SNAPC3: variants seen among roughly 807,000 people sequenced by gnomAD.
SNAPC3 encodes the protein small nuclear RNA activating complex polypeptide 3.
A neutral mutation model predicts 47.7 loss-of-function variants in SNAPC3; 56 were observed. That is an observed-to-expected ratio of 1.18 (90% CI 0.95 to 1.47). The LOEUF is 1.47. Ranked by LOEUF, SNAPC3 falls within the 40% of genes most tolerant of loss-of-function variation. The pLI is 0.00. For synonymous variants in SNAPC3, 235 were observed against 189.9 expected, an observed-to-expected ratio of 1.24 and a Z score of -1.95; for missense variants, 665 against 511.3, an observed-to-expected ratio of 1.30 and a Z score of -2.90.
At chr9:15,466,158 A>T (rs576097488), downstream of SNAPC3, among the ~76,000 whole-genome samples, 1 of 152,306 alleles carries the variant, frequency 6.6e-6, no homozygotes, top group South Asian at 2.1e-4. Context: ...TGGGTGGATC[A>T]CCTGAGGTCA....
intron 2 of SNAPC3, among the ~76,000 whole-genome samples, chr9:15,426,226 G>A (rs578063409): frequency 5.3e-5 from 8 of 152,096 alleles, no homozygotes; most frequent in African/African-American, 7.2e-5. Flanking sequence ...TCAGTTCCTC[G>A]AATATGCTCT....
intron 5 of SNAPC3, among the ~76,000 whole-genome samples, chr9:15,448,838 G>T (rs1468711774): frequency 6.6e-6 from 1 of 151,190 alleles, no homozygotes; most frequent in Non-Finnish European, 1.5e-5. Context: ...TTTTTTGGAT[G>T]GGGCTCTGTT....
chr9:15,425,182 C>T (rs987895040), intron 2 of SNAPC3, among the ~76,000 whole-genome samples: 6 of 152,144 alleles, frequency 3.9e-5, no homozygotes, highest in African/African-American at 1.2e-4. Context: ...CATGTGGCCT[C>T]TCTCCCATCT....
At chr9:15,436,685 A>G (rs762017669) in intron 3 of SNAPC3, among the ~76,000 whole-genome samples, 25 of 152,150 alleles carry the variant, frequency 1.6e-4, no homozygotes, top group Non-Finnish European at 1.9e-4. Context: ...AAAAAATGCC[A>G]TTGGGATTTT....
chr9:15,453,961 G>A lies in SNAPC3; in HGVS notation c.980+756G>A, dbSNP rs374756472. 3.9e-5 allele frequency among the ~76,000 whole-genome samples: 6 copies of A among 152,236 alleles called. No homozygotes were observed. In the East Asian group the frequency reaches 9.7e-4, roughly 25 times the overall value. ...CCACTAATAGAAACTGATGCCTGCC[G>A]GGTGCAGTGGCTCACGCCTATAATC... On this transcript the variant is annotated intron_variant, in intron 7 of 8. Coordinates refer to ENST00000380821, the MANE Select transcript of SNAPC3 (RefSeq NM_001039697.2).
intron 3 of SNAPC3, among the ~76,000 whole-genome samples, chr9:15,444,267 A>C (rs1029900782): frequency 6.6e-6 from 1 of 152,212 alleles, no homozygotes; most frequent in African/African-American, 2.4e-5. Flanking sequence ...TTTGATAAGG[A>C]ATGTAAAAAT....
At chr9:15,424,030 T>C in intron 2 of SNAPC3, 44 bp downstream of exon 2, 1 of 1,155,732 alleles carries the variant, frequency 8.7e-7, no homozygotes, top group South Asian at 1.5e-5. Flanking sequence ...TTAAACATTT[T>C]TTCAACATTA....
intron 3 of SNAPC3, among the ~76,000 whole-genome samples, chr9:15,434,014 C>T (rs1395057114): frequency 6.6e-6 from 1 of 152,152 alleles, no homozygotes; most frequent in South Asian, 2.1e-4. Context: ...AAGATGATGA[C>T]TCTTGAGGAA....
At chr9:15,449,061 C>T (rs1301946481) in intron 5 of SNAPC3, among the ~76,000 whole-genome samples, 3 of 152,128 alleles carry the variant, frequency 2.0e-5, no homozygotes. Context: ...CCACCCGCCT[C>T]AGCCTCCTAA....
intron 3 of SNAPC3, among the ~76,000 whole-genome samples, chr9:15,440,847 G>A (rs926183371): frequency 6.6e-6 from 1 of 151,846 alleles, no homozygotes; most frequent in African/African-American, 2.4e-5. Flanking sequence ...TACTTGGGAG[G>A]CTGAGGCAGG....
At chr9:15,435,014 G>A (rs568356923) in intron 3 of SNAPC3, among the ~76,000 whole-genome samples, 6 of 152,164 alleles carry the variant, frequency 3.9e-5, no homozygotes, top group Non-Finnish European at 5.9e-5. Context: ...CAATGATACC[G>A]TATTACATTC....
intron 3 of SNAPC3, among the ~76,000 whole-genome samples, chr9:15,443,674 G>A (rs968550254): frequency 6.6e-6 from 1 of 152,026 alleles, no homozygotes; most frequent in Non-Finnish European, 1.5e-5. Context: ...ACCAATGCAC[G>A]TACCTGGACC....
rs957309806 is a variant in SNAPC3, at chr9:15,460,220, G to C, written c.*354G>C. On this transcript the variant is annotated 3_prime_UTR_variant, in exon 9 of 9. Transcript: ENST00000380821. ...TCTCTGTCCAGAGTTTTTTGCTAAAGATAGAATTATTAATGATACATCAAG... is the reference window on the plus strand; with the variant it reads ...TCTCTGTCCAGAGTTTTTTGCTAAACATAGAATTATTAATGATACATCAAG... The C allele has an allele frequency of 6.3e-6, 1 of 159,224 alleles. No homozygotes were observed. Among genetic ancestry groups the C allele is most frequent in the Non-Finnish European group, 1.4e-5 (1 of 73,012 alleles). 9.9% of individuals were successfully genotyped at this position (159,224 alleles called of 1,614,324 possible).
Position 15,460,064 on chromosome 9 carries a change from A to G in SNAPC3, c.*198A>G, listed in dbSNP as rs2035089555. 4.9e-6 allele frequency: 2 copies of G among 412,210 alleles called. No homozygotes were observed. The highest frequency in any genetic ancestry group is 8.5e-6 in the Non-Finnish European group (2 of 236,172). The allele number at this position is 412,210 out of a possible 1,614,324, so 25.5% of individuals were successfully genotyped here. A position where few individuals can be genotyped will look rare whatever the true frequency, so the allele number is the denominator to read the frequency against. The stretch of plus-strand genomic sequence containing the variant: ...TATAACATAGTTTAATTTTATATTT[A>G]TTCCAGATAGTATTTAATTTAGTGC... On this transcript the variant is annotated 3_prime_UTR_variant, in exon 9 of 9. Coordinates refer to ENST00000380821, the MANE Select transcript of SNAPC3 (RefSeq NM_001039697.2).
At position 15,432,625 on chromosome 9, in the gene SNAPC3, A is replaced by T. The variant is rs536043492; in HGVS notation, c.393-927A>T. ...CCAATTTGAACAACAAAATAGTGAT[A>T]GTATTAGATTTTAACCCCAGAATAA... On this transcript the variant is annotated intron_variant, in intron 2 of 8. Transcript: ENST00000380821. Among the ~76,000 whole-genome samples, 7 of 152,216 alleles carry T rather than the reference A, an allele frequency of 4.6e-5. No homozygotes were observed. The South Asian group carries it at 1.4e-3, about 31-fold the overall frequency.
chr9:15,459,596 T>C (rs2035046962), intron 8 of SNAPC3, 123 bp from the exon 9 acceptor site: 4 of 711,860 alleles, frequency 5.6e-6, no homozygotes, highest in East Asian at 2.6e-5. Context: ...GGGATTATTA[T>C]GCATTAATAA....
intron 6 of SNAPC3, among the ~76,000 whole-genome samples, chr9:15,451,699 G>C (rs1459321882): frequency 2.0e-5 from 3 of 151,804 alleles, no homozygotes; most frequent in Non-Finnish European, 4.4e-5. Flanking sequence ...GCAAGACTCT[G>C]TCTCTAAAAA....
At chr9:15,425,947 C>T (rs556129894) in intron 2 of SNAPC3, among the ~76,000 whole-genome samples, 18 of 152,284 alleles carry the variant, frequency 1.2e-4, no homozygotes, top group African/African-American at 4.1e-4. Context: ...CGGCAACCTC[C>T]GCCTCCTAGG....
At chr9:15,454,151 G>C (rs1384354030) in intron 7 of SNAPC3, among the ~76,000 whole-genome samples, 1 of 151,552 alleles carries the variant, frequency 6.6e-6, no homozygotes, top group African/African-American at 2.4e-5. Flanking sequence ...GATTGCTTGA[G>C]ACCAGGAGGT....
Sources: allele counts gnomAD v4.1 joint callset (sites outside exome capture counted in the v4.1 genomes callset), GRCh38; gene constraint gnomAD v4.1.1; transcripts MANE v1.5; gene names NCBI Gene and HGNC (gene_info 2026-07-23, HGNC 2026-07-21).